DAP: variants seen among roughly 807,000 people sequenced by gnomAD.
DAP encodes the protein death-associated protein 1.
DAP carries 8 observed loss-of-function variants against 13.8 expected under a neutral mutation model. That is an observed-to-expected ratio of 0.58 (90% CI 0.34 to 1.05). The LOEUF is 1.05. Among genes scored for constraint, DAP ranks in the 50% least tolerant of loss-of-function variants. The pLI is 0.03. For missense variants in DAP, 106 were observed against 133.2 expected (o/e 0.80, Z 1.01); for synonymous variants, 47 against 47.5 (o/e 0.99, Z 0.04).
At chr5:10,749,784 C>T (rs2111387817) in intron 1 of DAP, among the ~76,000 whole-genome samples, 1 of 147,012 alleles carries the variant, frequency 6.8e-6, no homozygotes, top group East Asian at 2.0e-4. Context: ...ACCAGTTATC[C>T]TCCATCAGGG....
At chr5:10,743,355 G>A (rs1739809591) in intron 2 of DAP, among the ~76,000 whole-genome samples, 1 of 152,178 alleles carries the variant, frequency 6.6e-6, no homozygotes, top group Non-Finnish European at 1.5e-5. Flanking sequence ...CTTGGTTGAT[G>A]TGAATTGTTG....
chr5:10,706,077 G>C (rs1738693199), intron 2 of DAP, among the ~76,000 whole-genome samples: 1 of 152,232 alleles, frequency 6.6e-6, no homozygotes, highest in Non-Finnish European at 1.5e-5. Context: ...ATGGAAAGCA[G>C]TACACAACAA....
At chr5:10,750,976 A>G (rs1404627633) in intron 1 of DAP, among the ~76,000 whole-genome samples, 1 of 152,226 alleles carries the variant, frequency 6.6e-6, no homozygotes, top group Non-Finnish European at 1.5e-5. Context: ...ATACGAACTG[A>G]ACTCATGTAA....
chr5:10,716,747 G>C (rs578004805), intron 2 of DAP, among the ~76,000 whole-genome samples: 23 of 152,268 alleles, frequency 1.5e-4, no homozygotes, highest in Non-Finnish European at 3.4e-4. Flanking sequence ...ACTTGTGATC[G>C]TGTAAGTTAA....
chr5:10,718,863 T>A (rs752475767), intron 2 of DAP, among the ~76,000 whole-genome samples: 19 of 152,248 alleles, frequency 1.2e-4, no homozygotes, highest in Admixed American at 5.2e-4. Context: ...ATATCAACTC[T>A]CTGGCTTTGT....
At chr5:10,756,589 A>C (rs1253846409) in intron 1 of DAP, among the ~76,000 whole-genome samples, 1 of 152,234 alleles carries the variant, frequency 6.6e-6, no homozygotes, top group Non-Finnish European at 1.5e-5. Context: ...GGGGATGTAG[A>C]GTCTGCTTTT....
chr5:10,759,358 A>T (rs1740281320), intron 1 of DAP, among the ~76,000 whole-genome samples: 1 of 152,184 alleles, frequency 6.6e-6, no homozygotes, highest in African/African-American at 2.4e-5. Flanking sequence ...CCGGGGTGGA[A>T]ATCAAGGCGC....
chr5:10,693,716 T>C (rs1043061528), intron 2 of DAP, among the ~76,000 whole-genome samples: 3 of 142,880 alleles, frequency 2.1e-5, no homozygotes, highest in African/African-American at 7.9e-5. Context: ...AGCAGAGTTT[T>C]AGCTTGTCTT....
At chr5:10,695,678 T>C (rs1289311832) in intron 2 of DAP, among the ~76,000 whole-genome samples, 2 of 152,220 alleles carry the variant, frequency 1.3e-5, no homozygotes, top group African/African-American at 4.8e-5. Flanking sequence ...TCAGAACTAC[T>C]GCTTCCAGGA....
intron 2 of DAP, among the ~76,000 whole-genome samples, chr5:10,714,714 G>A (rs555162820): frequency 1.4e-3 from 213 of 152,292 alleles, no homozygotes; most frequent in African/African-American, 4.9e-3. Flanking sequence ...TGCATCATGG[G>A]GGTGGATTTC....
chr5:10,751,514 C>A (rs558745477), intron 1 of DAP, among the ~76,000 whole-genome samples: 1 of 152,252 alleles, frequency 6.6e-6, no homozygotes, highest in South Asian at 2.1e-4. Context: ...ATTCATTTCC[C>A]TCCCTGCTCT....
At chr5:10,745,736 T>G (rs1050218083) in intron 2 of DAP, among the ~76,000 whole-genome samples, 1 of 152,360 alleles carries the variant, frequency 6.6e-6, no homozygotes, top group South Asian at 2.1e-4. Context: ...TATCTGTACC[T>G]TATTCCACTT....
chr5:10,689,497 TAGC>T (rs1738246046), intron 2 of DAP, among the ~76,000 whole-genome samples: 1 of 152,226 alleles, frequency 6.6e-6, no homozygotes, highest in African/African-American at 2.4e-5. Context: ...TTCACGGAGA[TAGC>T]TCCTTTGTGC....
chr5:10,744,573 C>T (rs1449286088), intron 2 of DAP, among the ~76,000 whole-genome samples: 1 of 152,176 alleles, frequency 6.6e-6, no homozygotes, highest in East Asian at 1.9e-4. Flanking sequence ...ATCAGGATTG[C>T]AATCTATGTG....
intron 2 of DAP, among the ~76,000 whole-genome samples, chr5:10,709,812 G>A (rs1738794312): frequency 6.6e-6 from 1 of 152,194 alleles, no homozygotes; most frequent in Non-Finnish European, 1.5e-5. Flanking sequence ...ATGTCCCAGG[G>A]AATACCCCCA....
intron 2 of DAP, among the ~76,000 whole-genome samples, chr5:10,714,857 C>T (rs1197103789): frequency 5.9e-5 from 9 of 152,166 alleles, no homozygotes; most frequent in African/African-American, 1.4e-4. Context: ...CCATGTGAGA[C>T]GCCTGCTCCC....
intron 2 of DAP, among the ~76,000 whole-genome samples, chr5:10,710,569 A>G: frequency 6.6e-6 from 1 of 152,176 alleles, no homozygotes; most frequent in African/African-American, 2.4e-5. Context: ...TGGTGGGATG[A>G]TGGGTGTGCT....
chr5:10,748,608 C>A (rs1739970860), intron 1 of DAP, among the ~76,000 whole-genome samples: 1 of 152,198 alleles, frequency 6.6e-6, no homozygotes, highest in South Asian at 2.1e-4. Flanking sequence ...TCCACAGTCT[C>A]AACACAAGAG....
intron 1 of DAP, among the ~76,000 whole-genome samples, chr5:10,756,114 C>T (rs1740175680): frequency 1.1e-5 from 1 of 91,574 alleles, no homozygotes. Context: ...CGCCACTGCA[C>T]TCAAGCCTGA....
Sources: gnomAD v4.1 joint callset for allele counts (sites outside exome capture counted in the v4.1 genomes callset) on GRCh38, gnomAD v4.1.1 for gene constraint, MANE v1.5 for transcripts, NCBI Gene and HGNC (gene_info 2026-07-23, HGNC 2026-07-21) for gene names.